Variants in PCBD2 observed in about 807,000 individuals in gnomAD.
PCBD2 encodes the protein pterin-4 alpha-carbinolamine dehydratase 2.
Under a neutral mutation model 16.4 loss-of-function variants are expected in PCBD2, and 12 were observed. That is an observed-to-expected ratio of 0.73 (90% CI 0.47 to 1.19). The LOEUF (loss-of-function observed/expected upper bound fraction) is 1.19, where lower values mean the gene tolerates loss of function less well. Among genes scored for constraint, PCBD2 ranks in the 50% most tolerant of loss-of-function variants. The pLI, the probability that PCBD2 is intolerant of heterozygous loss-of-function variation, is 0.00. For synonymous variants in PCBD2, 58 were observed against 61.8 expected, an observed-to-expected ratio of 0.94 and a Z score of 0.29; for missense variants, 138 against 156.8, an observed-to-expected ratio of 0.88 and a Z score of 0.64.
intron 2 of PCBD2, among the ~76,000 whole-genome samples, chr5:134,933,610 A>G (rs766586222): frequency 6.6e-6 from 1 of 152,198 alleles, no homozygotes; most frequent in African/African-American, 2.4e-5. Context: ...AATTTAGCCA[A>G]TCCCTTTCTA....
intron 2 of PCBD2, among the ~76,000 whole-genome samples, chr5:134,935,879 A>G (rs566676982): frequency 6.6e-6 from 1 of 152,320 alleles, no homozygotes; most frequent in Middle Eastern, 3.4e-3. Flanking sequence ...CTGAGTGGAA[A>G]TGCCTGCTTT....
At chr5:134,955,311 T>C (rs1290441111) in intron 2 of PCBD2, among the ~76,000 whole-genome samples, 31 of 132,892 alleles carry the variant, frequency 2.3e-4, no homozygotes, top group African/African-American at 1.0e-3. Context: ...CAACAATGGT[T>C]TTTTTTTTTT....
Position 134,960,264 on chromosome 5 carries a change from C to G in PCBD2, c.298-322C>G, listed in dbSNP as rs184767162. 5.3e-5 allele frequency among the ~76,000 whole-genome samples: 8 copies of G among 152,116 alleles called. No individual in the cohort carries two copies. In the South Asian group the frequency reaches 1.2e-3, roughly 24 times the overall value. On this transcript the variant is annotated intron_variant, in intron 3 of 3. Transcript: ENST00000254908. Reference sequence around the variant, plus strand: ...AAAATAGTTGATGTAATTAAAGTAACGAGAGTTCAATTGGAACCTCAGTCT... The same window carrying G: ...AAAATAGTTGATGTAATTAAAGTAAGGAGAGTTCAATTGGAACCTCAGTCT...
chr5:134,909,755 A>G (rs1347807419), intron 1 of PCBD2, among the ~76,000 whole-genome samples: 6 of 152,144 alleles, frequency 3.9e-5, no homozygotes, highest in Admixed American at 2.6e-4. Flanking sequence ...GTAATAGTCA[A>G]TCTTTGTTGT....
Position 134,936,515 on chromosome 5 carries a change from G to T in PCBD2, c.217-22525G>T, listed in dbSNP as rs565846114. Among the ~76,000 whole-genome samples the T allele has an allele frequency of 3.9e-5, 6 of 152,352 alleles. No individual in the cohort carries two copies. The East Asian group carries it at 7.7e-4, about 20-fold the overall frequency. Reference sequence around the variant, plus strand: ...CATGCTTTCAGGAACAGACTGTTGGGAAGATTCTGGGATTTCCAGACATGT... The same window carrying T: ...CATGCTTTCAGGAACAGACTGTTGGTAAGATTCTGGGATTTCCAGACATGT... On this transcript the variant is annotated intron_variant, in intron 2 of 3. Coordinates refer to ENST00000254908, the MANE Select transcript of PCBD2 (RefSeq NM_032151.5).
At position 134,929,346 on chromosome 5, in the gene PCBD2, C is replaced by CAA. The variant is rs74273275; in HGVS notation, c.216+18897_216+18898dup. On this transcript the variant is annotated intron_variant, in intron 2 of 3. Coordinates refer to ENST00000254908, the MANE Select transcript of PCBD2 (RefSeq NM_032151.5). ...TGGGTAATAGAGCGAGACCTTGTCT[C>CAA]AAAAAAAAAAAAAAAAAAGGGAAGA... Among the ~76,000 whole-genome samples the CAA allele has an allele frequency of 3.6e-3, 331 of 91,356 alleles. 3 individuals are homozygous for CAA. The highest frequency in any genetic ancestry group is 0.014 in the African/African-American group (282 of 20,034). 59.9% of individuals were successfully genotyped at this position (91,356 alleles called of 152,430 possible). A position where few individuals can be genotyped will look rare whatever the true frequency, so the allele number is the denominator to read the frequency against.
intron 2 of PCBD2, chr5:134,927,860 G>A: frequency 4.1e-6 from 1 of 244,112 alleles, no homozygotes; most frequent in Non-Finnish European, 7.8e-6. Context: ...TCGTTAGGGG[G>A]TCGGAGGAGA....
chr5:134,930,001 G>T (rs1473646762), intron 2 of PCBD2, among the ~76,000 whole-genome samples: 1 of 152,176 alleles, frequency 6.6e-6, no homozygotes, highest in African/African-American at 2.4e-5. Flanking sequence ...GCCCAGCCTT[G>T]TTTTGATATT....
At chr5:134,915,209 G>A (rs953769993) in intron 2 of PCBD2, among the ~76,000 whole-genome samples, 2 of 151,872 alleles carry the variant, frequency 1.3e-5, no homozygotes, top group Non-Finnish European at 2.9e-5. Flanking sequence ...CAGCTACTCA[G>A]GAGGCTGAGG....
chr5:134,916,983 CT>C (rs1197924331), intron 2 of PCBD2, among the ~76,000 whole-genome samples: 1 of 152,180 alleles, frequency 6.6e-6, no homozygotes, highest in Admixed American at 6.5e-5. Flanking sequence ...AGGAACTTTG[CT>C]TTTTTGTTGT....
At chr5:134,910,275 A>G (rs1580876391) in intron 1 of PCBD2, 60 bp from the exon 2 acceptor site, 4 of 1,556,264 alleles carry the variant, frequency 2.6e-6, no homozygotes, top group East Asian at 2.3e-5. Flanking sequence ...GTAAGGAGCC[A>G]TAAGTTTGAG....
intron 1 of PCBD2, chr5:134,905,457 G>A (rs1387600883): frequency 5.4e-6 from 2 of 368,490 alleles, no homozygotes; most frequent in Non-Finnish European, 9.6e-6. Context: ...TTCCGCCGAA[G>A]CCTACGAACT....
rs1361545646 is a variant in PCBD2 at position 134,910,342 on chromosome 5, G to A, written c.92G>A (p.Gly31Asp). 1 of 1,613,822 alleles carries A rather than the reference G, an allele frequency of 6.2e-7. No homozygotes were observed. Among genetic ancestry groups the A allele is most frequent in the Non-Finnish European group, 8.5e-7 (1 of 1,179,862 alleles). The stretch of plus-strand genomic sequence containing the variant: ...AATGTGTTCTCTTCATAGTCATCAG[G>A]TACTCACAGGTTGACTGCAGAGGAG... Reference protein sequence around the residue: ...QSLGLAAMSSGTHRLTAEERN... With the variant: ...QSLGLAAMSSDTHRLTAEERN... The change falls in exon 2 of 4, where the codon GGT (glycine) becomes GAT (aspartate). Residue 31 changes from glycine to aspartate, a missense_variant. Gly to Asp is a moderately conservative substitution (Grantham distance 94). Transcript: ENST00000254908.
rs4999026 is a variant in PCBD2 at position 134,927,134 on chromosome 5, G to A, written c.216+16668G>A. ...TGAAGCTTCAGGGGGTTTGGATGAG[G>A]ATGGCTGTTACTACGAGGGCTATGT... is the stretch of plus-strand genomic sequence containing the variant. On this transcript the variant is annotated intron_variant, in intron 2 of 3. Coordinates refer to ENST00000254908, the MANE Select transcript of PCBD2 (RefSeq NM_032151.5). 15 of 397,968 alleles carry A rather than the reference G, an allele frequency of 3.8e-5. 3 individuals carry two copies. In the Middle Eastern group the frequency reaches 3.7e-3, roughly 99 times the overall value. The allele number at this position is 397,968 out of a possible 1,614,324, so 24.7% of individuals were successfully genotyped here.
At chr5:134,913,752 G>A (rs1258149980) in intron 2 of PCBD2, among the ~76,000 whole-genome samples, 2 of 152,162 alleles carry the variant, frequency 1.3e-5, no homozygotes, top group African/African-American at 4.8e-5. Flanking sequence ...TCTTATGGAG[G>A]TATCAGTGGG....
At chr5:134,923,451 A>G (rs1750932272) in intron 2 of PCBD2, 1 of 235,006 alleles carries the variant, frequency 4.3e-6, no homozygotes, top group Non-Finnish European at 8.2e-6. Flanking sequence ...TGTTTCGTGT[A>G]GGAATAGAAG....
intron 3 of PCBD2, among the ~76,000 whole-genome samples, chr5:134,959,990 A>C (rs1751457726): frequency 6.8e-6 from 1 of 146,256 alleles, no homozygotes; most frequent in African/African-American, 2.5e-5. Flanking sequence ...TCCCGGGTTC[A>C]AGCGATTCTG....
chr5:134,905,895 C>T (rs1750681662), intron 1 of PCBD2, among the ~76,000 whole-genome samples: 1 of 152,158 alleles, frequency 6.6e-6, no homozygotes, highest in Non-Finnish European at 1.5e-5. Flanking sequence ...TTTTTCGACA[C>T]GGAGTCTCGC....
intron 2 of PCBD2, among the ~76,000 whole-genome samples, chr5:134,918,782 G>A (rs139563326): frequency 6.6e-6 from 1 of 152,268 alleles, no homozygotes; most frequent in African/African-American, 2.4e-5. Context: ...TGTTCATGTT[G>A]GTGTTCCCTT....
Sources: allele counts gnomAD v4.1 joint callset (sites outside exome capture counted in the v4.1 genomes callset), GRCh38; gene constraint gnomAD v4.1.1; transcripts MANE v1.5; gene names NCBI Gene and HGNC (gene_info 2026-07-23, HGNC 2026-07-21).